BUD23: variants seen among roughly 807,000 people sequenced by gnomAD.
BUD23 encodes the protein 18S rRNA (guanine-N(7))-methyltransferase.
Under a neutral mutation model 47.0 loss-of-function variants are expected in BUD23, and 34 were observed. The ratio of observed to expected loss-of-function variants is 0.72; its 90% confidence interval spans 0.55 to 0.96. BUD23 has a LOEUF of 0.96. Among genes scored for constraint, BUD23 ranks in the 40% least tolerant of loss-of-function variants. The pLI is 0.00. For missense variants in BUD23, 343 were observed against 361.2 expected (o/e 0.95, Z 0.41); for synonymous variants, 124 against 132.0 (o/e 0.94, Z 0.41).
chr7:73,684,029 G>T, intron 2 of BUD23: 1 of 1,423,492 alleles, frequency 7.0e-7, no homozygotes. Flanking sequence ...GCTTTCCGTG[G>T]GTGGTTTTCA....
intron 10 of BUD23, 134 bp from the exon 11 acceptor site, chr7:73,697,471 G>A (rs892532782): frequency 6.5e-7 from 1 of 1,549,614 alleles, no homozygotes; most frequent in Non-Finnish European, 8.7e-7. Flanking sequence ...TATAGGGAAG[G>A]TGGAGCATTT....
intron 2 of BUD23, among the ~76,000 whole-genome samples, chr7:73,684,617 A>AAAGGGG (rs1554612517): frequency 2.3e-5 from 2 of 86,580 alleles, no homozygotes; most frequent in Non-Finnish European, 4.3e-5. Context: ...AAAAAAAAAA[A>AAAGGGG]GGGGGGGGGA....
intron 10 of BUD23, chr7:73,697,326 A>G: frequency 1.0e-6 from 1 of 975,062 alleles, no homozygotes; most frequent in Non-Finnish European, 1.5e-6. Flanking sequence ...TGCTTCCCGA[A>G]GAGGGAACAG....
chr7:73,695,054 G>C (rs1437725292), intron 10 of BUD23: 3 of 152,402 alleles, frequency 2.0e-5, no homozygotes, highest in African/African-American at 7.2e-5. Context: ...GGGCTCAAAT[G>C]ATCCTCCTGC....
intron 2 of BUD23, among the ~76,000 whole-genome samples, chr7:73,684,923 CAAAAAAAAAAAAAAAAAAAAA>C (rs56229090): frequency 2.2e-4 from 11 of 49,136 alleles, no homozygotes; most frequent in East Asian, 2.2e-3. Context: ...GACTTTGTTT[CAAAAAAAAAAAAAAAAAAAAA>C]AAAAAAAAAA....
intron 10 of BUD23, chr7:73,697,207 A>T: frequency 3.8e-6 from 2 of 520,362 alleles, no homozygotes; most frequent in Non-Finnish European, 6.9e-6. Flanking sequence ...CCTGCCCCCA[A>T]GCTGTGGGAC....
Position 73,687,084 on chromosome 7 carries a change from T to G in BUD23, c.351T>G (p.Asp117Glu), listed in dbSNP as rs1798004587. The G allele has an allele frequency of 6.2e-7, 1 of 1,613,564 alleles. No homozygotes were observed. Among genetic ancestry groups the G allele is most frequent in the African/African-American group, 1.3e-5 (1 of 74,880 alleles). ...TCCCATTCAAGCCAGGCACATTTGATGGTTGCATCAGGTGAGGGTCTTTAA... is the reference window on the plus strand; with the variant it reads ...TCCCATTCAAGCCAGGCACATTTGAGGGTTGCATCAGGTGAGGGTCTTTAA... ...QGIPFKPGTF[D>E]GCISISAVQW... The change falls in exon 5 of 12, where the codon GAT (aspartate) becomes GAG (glutamate). Residue 117 changes from aspartate to glutamate, a missense_variant. Asp to Glu is a conservative substitution (Grantham distance 45). Transcript: ENST00000265758.
rs781806045 is a variant in BUD23 at position 73,697,426 on chromosome 7, T to A, written c.702-179T>A. ...ACCTCTGTGGCCCGGATGGATGTTA[T>A]CAGGAAGGAGGGTGTCCAGAGCGGG... is the stretch of plus-strand genomic sequence containing the variant. On this transcript the variant is annotated intron_variant, in intron 10 of 11. Transcript: ENST00000265758. 13 of 1,536,542 alleles carry A rather than the reference T, an allele frequency of 8.5e-6. No individual in the cohort carries two copies. In the Admixed American group the frequency reaches 2.4e-4, roughly 28 times the overall value.
chr7:73,686,458 G>T (rs2141166), intron 2 of BUD23, among the ~76,000 whole-genome samples, 178 bp from the exon 3 acceptor site: 94 of 152,164 alleles, frequency 6.2e-4, no homozygotes, highest in African/African-American at 2.2e-3. Context: ...GGTCACTTTC[G>T]AATGGTTGAA....
In BUD23 at chr7:73,691,012, C is replaced by T. The variant is rs985900894; in HGVS notation, c.459C>T (p.Leu153=). 3.0e-5 allele frequency: 48 copies of T among 1,613,718 alleles called. No homozygotes were observed. The highest frequency in any genetic ancestry group is 8.0e-5 in the African/African-American group (6 of 74,892). The part of the protein sequence containing the change: ...YCFFASLFSV[L]VRGSRAVLQL... The stretch of plus-strand genomic sequence containing the variant: ...TTTTTGCTTCTCTTTTTTCTGTTCT[C>T]GTGAGTATAAGATCTTCTCCCCATC... Residue 153 remains leucine, a splice_region_variant and synonymous_variant, in exon 6 of 12, where the codon CTC becomes CTT. Coordinates refer to ENST00000265758, the MANE Select transcript of BUD23 (RefSeq NM_017528.5).
chr7:73,684,739 A>G (rs1309576369), intron 2 of BUD23, among the ~76,000 whole-genome samples: 3 of 151,306 alleles, frequency 2.0e-5, no homozygotes, highest in Non-Finnish European at 4.4e-5. Context: ...CCTGGCCAAC[A>G]TGGCGAAACT....
chr7:73,686,613 C>T (rs2116672613), intron 2 of BUD23, 23 bp from the exon 3 acceptor site: 2 of 1,610,088 alleles, frequency 1.2e-6, no homozygotes, highest in Admixed American at 1.7e-5. Context: ...TTACCATGTC[C>T]ACTTGTGTTT....
At chr7:73,685,097 A>C (rs547635171) in intron 2 of BUD23, among the ~76,000 whole-genome samples, 55 of 152,136 alleles carry the variant, frequency 3.6e-4, no homozygotes, top group Non-Finnish European at 6.9e-4. Context: ...ACCTGAGGTC[A>C]GGAATTCCGA....
At chr7:73,695,817 G>C (rs1431180954) in intron 10 of BUD23, 1 of 152,126 alleles carries the variant, frequency 6.6e-6, no homozygotes, top group Non-Finnish European at 1.5e-5. Flanking sequence ...TTTCTAAAAT[G>C]TAAGTTGTAT....
chr7:73,687,612 C>T (rs1798027797), intron 5 of BUD23, among the ~76,000 whole-genome samples: 1 of 151,446 alleles, frequency 6.6e-6, no homozygotes, highest in Admixed American at 6.6e-5. Flanking sequence ...TGGGTTTTTG[C>T]TATGTTGCTC....
chr7:73,697,411 C>A, intron 10 of BUD23, 194 bp from the exon 11 acceptor site: 3 of 1,534,278 alleles, frequency 2.0e-6, no homozygotes, highest in Non-Finnish European at 2.6e-6. Flanking sequence ...ACCTCTGTGG[C>A]CCGGATGGAT....
chr7:73,684,007 G>A (rs2116659330), intron 2 of BUD23: 1 of 1,442,850 alleles, frequency 6.9e-7, no homozygotes, highest in East Asian at 2.5e-5. Flanking sequence ...TGAGGTAGGG[G>A]TGATCGCGCT....
At chr7:73,687,166 C>T in intron 5 of BUD23, 71 bp downstream of exon 5, 1 of 1,499,618 alleles carries the variant, frequency 6.7e-7, no homozygotes, top group Non-Finnish European at 9.2e-7. Context: ...GGCTCTAGTG[C>T]AGTGTCTGTG....
chr7:73,687,541 C>T (rs1406677125), intron 5 of BUD23, among the ~76,000 whole-genome samples: 1 of 152,190 alleles, frequency 6.6e-6, no homozygotes, highest in African/African-American at 2.4e-5. Flanking sequence ...TCCCAAAGTG[C>T]TGGGATTACA....
Sources: allele counts gnomAD v4.1 joint callset (sites outside exome capture counted in the v4.1 genomes callset), GRCh38; gene constraint gnomAD v4.1.1; transcripts MANE v1.5; gene names NCBI Gene and HGNC (gene_info 2026-07-23, HGNC 2026-07-21).